The following OR1L8 variants were observed in gnomAD, a reference collection of about 807,000 sequenced individuals.
OR1L8 encodes olfactory receptor 1L8.
For missense variants in OR1L8, 330 were observed against 377.4 expected, an observed-to-expected ratio of 0.87 and a Z score of 1.04; for synonymous variants, 148 against 147.0, an observed-to-expected ratio of 1.01 and a Z score of -0.05.
chr9:122,553,815 A>T, the OR1L8 span: 14 of 1,613,850 alleles, frequency 8.7e-6, no homozygotes, highest in African/African-American at 2.7e-5. Context: ...CGAGCTGATG[A>T]TCATCACCAT....
At chr9:122,564,117 T>G (rs1259865923), downstream of OR1L8, among the ~76,000 whole-genome samples, 4 of 152,186 alleles carry the variant, frequency 2.6e-5, no homozygotes, top group Non-Finnish European at 5.9e-5. Context: ...TACTGGACAC[T>G]GGCTCTCAAC....
At chr9:122,563,632 C>T (rs1439297363), downstream of OR1L8, among the ~76,000 whole-genome samples, 1 of 152,168 alleles carries the variant, frequency 6.6e-6, no homozygotes, top group African/African-American at 2.4e-5. Flanking sequence ...ATCCATTTGT[C>T]TATTTTTGCT....
intron 3 of OR1L8, among the ~76,000 whole-genome samples, chr9:122,576,119 T>C (rs192112713): frequency 2.0e-4 from 31 of 152,338 alleles, no homozygotes; most frequent in Non-Finnish European, 7.4e-5. Flanking sequence ...ACATTGCTCC[T>C]TTTAAGAACA....
intron 2 of OR1L8, among the ~76,000 whole-genome samples, chr9:122,577,785 C>T (rs73565628): frequency 1.3e-5 from 2 of 152,258 alleles, no homozygotes; most frequent in African/African-American, 4.8e-5. Flanking sequence ...GAAAGTGGTA[C>T]AAACATATCT....
intron 4 of OR1L8, among the ~76,000 whole-genome samples, chr9:122,571,193 G>A (rs1829540889): frequency 6.6e-6 from 1 of 152,082 alleles, no homozygotes; most frequent in Admixed American, 6.6e-5. Flanking sequence ...TTTCTGTGTG[G>A]TACAGATGGT....
chr9:122,579,879 G>T (rs75866323), intron 1 of OR1L8, among the ~76,000 whole-genome samples: 1 of 152,140 alleles, frequency 6.6e-6, no homozygotes, highest in Admixed American at 6.6e-5. Context: ...ACAGGCTCTA[G>T]GATGAGTCTC....
the OR1L8 span, chr9:122,553,198 A>G: frequency 6.8e-6 from 11 of 1,612,336 alleles, no homozygotes; most frequent in Non-Finnish European, 7.6e-6. Flanking sequence ...CGCAGATCAC[A>G]CGAACTACAA....
chr9:122,576,577 T>C (rs1049983970), intron 3 of OR1L8, among the ~76,000 whole-genome samples, 189 bp downstream of exon 3: 1 of 152,110 alleles, frequency 6.6e-6, no homozygotes, highest in Non-Finnish European at 1.5e-5. Flanking sequence ...AGTTAGGTTG[T>C]TTCCATATCT....
downstream of OR1L8, among the ~76,000 whole-genome samples, chr9:122,566,346 C>A (rs1362365033): frequency 6.6e-6 from 1 of 152,150 alleles, no homozygotes; most frequent in Non-Finnish European, 1.5e-5. Context: ...GACATTACAA[C>A]TGTGTATAAA....
chr9:122,572,140 A>G (rs930819973), intron 4 of OR1L8, among the ~76,000 whole-genome samples: 4 of 152,172 alleles, frequency 2.6e-5, no homozygotes, highest in African/African-American at 7.2e-5. Context: ...ACTCACTAAC[A>G]TGATACTAGC....
the OR1L8 span, among the ~76,000 whole-genome samples, chr9:122,554,933 T>C: frequency 6.7e-6 from 1 of 149,510 alleles, no homozygotes; most frequent in Non-Finnish European, 1.5e-5. Flanking sequence ...AAATGATAAA[T>C]CAAGCATGCT....
intron 4 of OR1L8, among the ~76,000 whole-genome samples, 160 bp from the exon 5 acceptor site, chr9:122,568,849 T>C (rs1329016611): frequency 6.6e-6 from 1 of 152,074 alleles, no homozygotes. Context: ...TACCTTCTAG[T>C]TGGGGAGGTA....
rs1564199871 is a variant in OR1L8 at position 122,568,091 on chromosome 9, G to A, written c.387C>T (p.Asp129=). 1 of 1,614,062 alleles carries A rather than the reference G, an allele frequency of 6.2e-7. No homozygotes were observed. Among genetic ancestry groups the A allele is most frequent in the South Asian group, 1.1e-5 (1 of 91,050 alleles). Residue 129 remains aspartate (D), a synonymous_variant, in exon 5 of 5, where the codon GAC becomes GAT. Transcript: ENST00000641027. The part of the protein sequence containing the change: ...MAFDRYVAVC[D]PFHYVTTMSH... The stretch of plus-strand genomic sequence containing the variant: ...TCATGGTGGTGACATAGTGGAAAGG[G>A]TCACAGACGGCCACATAGCGGTCAA...
the OR1L8 span, chr9:122,553,465 T>G: frequency 1.2e-6 from 2 of 1,614,144 alleles, no homozygotes; most frequent in Non-Finnish European, 1.7e-6. Flanking sequence ...CCCAAAATGC[T>G]GGCCAACATT....
downstream of OR1L8, among the ~76,000 whole-genome samples, chr9:122,564,122 C>T (rs1256235353): frequency 6.6e-6 from 1 of 152,138 alleles, no homozygotes; most frequent in Non-Finnish European, 1.5e-5. Context: ...GACACTGGCT[C>T]TCAACTGATG....
At position 122,568,275 on chromosome 9, in the gene OR1L8, G is replaced by T; in HGVS notation, c.203C>A (p.Ser68Tyr). The change falls in exon 5 of 5, where the codon TCT (serine) becomes TAT (tyrosine). Residue 68 changes from serine (S) to tyrosine (Y), a missense_variant. Transcript: ENST00000641027. ...TGTTGTAAAGCAAATATCAGTGAGA[G>T]ACAGAAAACTCAAGAAGAAATACAT... ...TPMYFFLSFL[S>Y]LTDICFTTSV... The T allele has an allele frequency of 6.2e-7, 1 of 1,614,012 alleles. No individual in the cohort carries two copies. Among genetic ancestry groups the T allele is most frequent in the Non-Finnish European group, 8.5e-7 (1 of 1,179,874 alleles).
Position 122,570,400 on chromosome 9 carries a change from A to G in OR1L8, c.-212-1711T>C, listed in dbSNP as rs115181632. On this transcript the variant is annotated intron_variant, in intron 4 of 4. Transcript: ENST00000641027. Reference sequence around the variant, plus strand: ...ACACATTGTGAATGGGCCTTAATACACCAGAATTTTCACATATTTTTAAAT... The same window carrying G: ...ACACATTGTGAATGGGCCTTAATACGCCAGAATTTTCACATATTTTTAAAT... Among the ~76,000 whole-genome samples, 1,052 of 152,332 alleles carry G rather than the reference A, an allele frequency of 6.9e-3. 11 individuals are homozygous for G. Among genetic ancestry groups the G allele is most frequent in the African/African-American group, 0.025 (1,020 of 41,564 alleles).
At chr9:122,579,281 A>T (rs1343333009) in intron 1 of OR1L8, among the ~76,000 whole-genome samples, 2 of 151,958 alleles carry the variant, frequency 1.3e-5, no homozygotes, top group East Asian at 3.8e-4. Flanking sequence ...CATAAATTTG[A>T]AACATTTTAA....
At position 122,568,016 on chromosome 9, in the gene OR1L8, G is replaced by A. The variant is rs780381493; in HGVS notation, c.462C>T (p.His154=). 158 of 1,613,938 alleles carry A rather than the reference G, an allele frequency of 9.8e-5. No homozygotes were observed. The highest frequency in any genetic ancestry group is 1.3e-4 in the Non-Finnish European group (154 of 1,179,936). The change falls in exon 5 of 5, where the codon CAC becomes CAT. Residue 154 remains histidine (H), a synonymous_variant. Transcript: ENST00000641027. ...LLVAFSCSFP[H]LHSLLHTLLL... is the part of the protein sequence containing the mutation. The stretch of plus-strand genomic sequence containing the variant: ...GAAGTGTGTGCAGGAGTGAGTGGAG[G>A]TGAGGAAATGAGCAGGAGAAGGCCA...
Sources: gnomAD v4.1 joint callset for allele counts (sites outside exome capture counted in the v4.1 genomes callset) on GRCh38, gnomAD v4.1.1 for gene constraint, MANE v1.5 for transcripts, NCBI Gene and HGNC (gene_info 2026-07-23, HGNC 2026-07-21) for gene names.